Variants in OSBPL6 observed in about 807,000 individuals in gnomAD.
OSBPL6 encodes oxysterol binding protein like 6, also known as oxysterol-binding protein-related protein 6.
Under a neutral mutation model 125.8 loss-of-function variants are expected in OSBPL6, and 49 were observed. That is an observed-to-expected ratio of 0.39 (90% CI 0.31 to 0.49). OSBPL6 has a LOEUF of 0.49. OSBPL6 is among the 20% of genes least tolerant of loss of function. The pLI is 0.88. For synonymous variants in OSBPL6, 394 were observed against 391.8 expected (o/e 1.01, Z -0.07); for missense variants, 986 against 1,135.4 (o/e 0.87, Z 1.89).
Position 178,374,557 on chromosome 2 carries a change from T to G in OSBPL6, c.1533+530T>G, listed in dbSNP as rs573792685. Among the ~76,000 whole-genome samples the G allele has an allele frequency of 2.7e-3, 416 of 152,354 alleles. 2 individuals carry two copies. Among genetic ancestry groups the G allele is most frequent in the African/African-American group, 9.6e-3 (399 of 41,572 alleles). On this transcript the variant is annotated intron_variant, in intron 15 of 24. Transcript: ENST00000190611. ...TGTACTGGATTGCTCTTCATGCTTA[T>G]GATTCTTGCCAAGGTCTTGGAAACT...
At chr2:178,305,912 T>G (rs1207802982) in intron 2 of OSBPL6, 118 bp from the exon 3 acceptor site, 1 of 245,258 alleles carries the variant, frequency 4.1e-6, no homozygotes, top group African/African-American at 2.2e-5. Context: ...GGAAGAAGTA[T>G]TTCCTAATGT....
At chr2:178,363,634 C>T (rs895332805) in intron 13 of OSBPL6, among the ~76,000 whole-genome samples, 12 of 152,042 alleles carry the variant, frequency 7.9e-5, no homozygotes, top group African/African-American at 2.7e-4. Flanking sequence ...AGACAGCAGC[C>T]GCTCACAAGG....
chr2:178,255,313 C>CA (rs541069018), intron 1 of OSBPL6, among the ~76,000 whole-genome samples: 27 of 152,012 alleles, frequency 1.8e-4, no homozygotes, highest in Non-Finnish European at 3.5e-4. Context: ...GTCTCAAAAA[C>CA]AAAAAACAAA....
chr2:178,393,138 ACT>A (rs1695563603), intron 23 of OSBPL6, among the ~76,000 whole-genome samples: 1 of 152,060 alleles, frequency 6.6e-6, no homozygotes, highest in Non-Finnish European at 1.5e-5. Context: ...AAATTTGTGA[ACT>A]CTTTCTTAAA....
At chr2:178,294,472 A>T (rs924034680) in intron 2 of OSBPL6, among the ~76,000 whole-genome samples, 4 of 152,140 alleles carry the variant, frequency 2.6e-5, no homozygotes, top group African/African-American at 9.7e-5. Context: ...TGAAAGGTAC[A>T]ATTAAGCTAC....
chr2:178,318,002 C>T (rs941433775), intron 3 of OSBPL6, among the ~76,000 whole-genome samples: 2 of 152,128 alleles, frequency 1.3e-5, no homozygotes, highest in African/African-American at 4.8e-5. Context: ...ACTCTGGTTG[C>T]TGTGGTTTCC....
At chr2:178,310,951 A>T (rs936570344) in intron 3 of OSBPL6, among the ~76,000 whole-genome samples, 2 of 152,140 alleles carry the variant, frequency 1.3e-5, no homozygotes, top group Non-Finnish European at 2.9e-5. Flanking sequence ...ACAGTTTTCC[A>T]GTGGGTCTCC....
chr2:178,379,359 A>C, intron 15 of OSBPL6, among the ~76,000 whole-genome samples: 1 of 136,636 alleles, frequency 7.3e-6, no homozygotes, highest in Admixed American at 7.4e-5. Context: ...AGGGAGGGGA[A>C]GGAAGGAAAG....
At chr2:178,364,339 G>A (rs1223786277) in intron 13 of OSBPL6, among the ~76,000 whole-genome samples, 1 of 152,198 alleles carries the variant, frequency 6.6e-6, no homozygotes, top group Non-Finnish European at 1.5e-5. Context: ...CTGCATATTA[G>A]AAAGATTACT....
At chr2:178,245,443 A>G (rs896233148) in intron 1 of OSBPL6, among the ~76,000 whole-genome samples, 1 of 152,162 alleles carries the variant, frequency 6.6e-6, no homozygotes, top group African/African-American at 2.4e-5. Context: ...TTCACTGTGT[A>G]GTGGTATAGG....
Position 178,400,575 on chromosome 2 carries a change from C to CCG in OSBPL6, c.*5020_*5021dup, listed in dbSNP as rs1696075458. 6.6e-6 allele frequency: 1 copy of CCG among 152,192 alleles called. No individual in the cohort carries two copies. Among genetic ancestry groups the CCG allele is most frequent in the African/African-American group, 2.4e-5 (1 of 41,424 alleles). 9.4% of individuals were successfully genotyped at this position (152,192 alleles called of 1,614,324 possible). A position where few individuals can be genotyped will look rare whatever the true frequency, so the allele number is the denominator to read the frequency against. On this transcript the variant is annotated 3_prime_UTR_variant, in exon 25 of 25. Transcript: ENST00000190611. ...GTGCTGGGATTACAGGTGTGAGCAACCGCGCCTGGACTCAAGTTCTTTTTA... is the reference window on the plus strand; with the variant it reads ...GTGCTGGGATTACAGGTGTGAGCAACCGCGCGCCTGGACTCAAGTTCTTTTTA...
At chr2:178,263,954 G>C (rs1232796119) in intron 1 of OSBPL6, among the ~76,000 whole-genome samples, 1 of 152,026 alleles carries the variant, frequency 6.6e-6, no homozygotes, top group Admixed American at 6.6e-5. Flanking sequence ...AGTGCTTTTA[G>C]TCACTTATAG....
chr2:178,297,408 G>A (rs1685855670), intron 2 of OSBPL6, among the ~76,000 whole-genome samples: 1 of 152,034 alleles, frequency 6.6e-6, no homozygotes, highest in African/African-American at 2.4e-5. Context: ...GAGCAGCTTG[G>A]GCAACATAGT....
At chr2:178,375,129 C>A (rs1277911762) in intron 15 of OSBPL6, among the ~76,000 whole-genome samples, 1 of 152,132 alleles carries the variant, frequency 6.6e-6, no homozygotes, top group Admixed American at 6.5e-5. Context: ...TGCCTCTTTT[C>A]CTGTAGGCAA....
chr2:178,375,366 G>A (rs1693764722), intron 15 of OSBPL6, among the ~76,000 whole-genome samples: 1 of 152,118 alleles, frequency 6.6e-6, no homozygotes. Flanking sequence ...GCCTTGCTGA[G>A]CTCCCATAGC....
chr2:178,279,392 A>G (rs889228486), intron 1 of OSBPL6, among the ~76,000 whole-genome samples: 23 of 152,244 alleles, frequency 1.5e-4, no homozygotes, highest in African/African-American at 5.1e-4. Context: ...TGAATGAGCC[A>G]TTCAGAAGGA....
At chr2:178,380,474 A>G (rs1694365615) in intron 15 of OSBPL6, among the ~76,000 whole-genome samples, 1 of 150,696 alleles carries the variant, frequency 6.6e-6, no homozygotes, top group East Asian at 1.9e-4. Flanking sequence ...AAAAAAAAAA[A>G]AAAAAAAAAA....
intron 9 of OSBPL6, among the ~76,000 whole-genome samples, chr2:178,337,949 C>CTTTTTTTTTTTT (rs755944128): frequency 5.8e-4 from 81 of 139,160 alleles, no homozygotes; most frequent in Middle Eastern, 3.8e-3. Context: ...TCAGTATTCT[C>CTTTTTTTTTTTT]TTTTTTTTTT....
Position 178,244,964 on chromosome 2 carries a change from A to T in OSBPL6, c.-350-39963A>T, listed in dbSNP as rs183461335. ...AATAAAAAGATTTTGATTGAATGGT[A>T]AGTGAGGCTGTAGCAGCCATATTAA... On this transcript the variant is annotated intron_variant, in intron 1 of 24. Transcript: ENST00000190611. Among the ~76,000 whole-genome samples, 406 of 152,310 alleles carry T rather than the reference A, an allele frequency of 2.7e-3. 5 individuals carry two copies. Among genetic ancestry groups the T allele is most frequent in the African/African-American group, 9.6e-3 (399 of 41,542 alleles).
Sources: gnomAD v4.1 joint callset for allele counts (sites outside exome capture counted in the v4.1 genomes callset) on GRCh38, gnomAD v4.1.1 for gene constraint, MANE v1.5 for transcripts, NCBI Gene and HGNC (gene_info 2026-07-23, HGNC 2026-07-21) for gene names.